The following PEAK1 variants were observed in gnomAD, a reference collection of about 807,000 sequenced individuals.
The protein encoded by PEAK1 is pseudopodium enriched atypical kinase 1, also known as inactive tyrosine-protein kinase PEAK1.
Under a neutral mutation model 124.7 loss-of-function variants are expected in PEAK1, and 54 were observed. The observed-to-expected ratio is 0.43, with a 90% confidence interval of 0.35 to 0.54. The LOEUF (loss-of-function observed/expected upper bound fraction) is 0.54. PEAK1 is among the 20% of genes least tolerant of loss of function. The pLI is 0.01. For missense variants in PEAK1, 2,046 were observed against 2,134.5 expected, an observed-to-expected ratio of 0.96 and a Z score of 0.82; for synonymous variants, 719 against 760.0, an observed-to-expected ratio of 0.95 and a Z score of 0.89.
In PEAK1 at chr15:77,178,977, T is replaced by G. The variant is rs1297053266; in HGVS notation, c.2950A>C (p.Lys984Gln). The G allele has an allele frequency of 6.2e-7, 1 of 1,614,052 alleles. No homozygotes were observed. The highest frequency in any genetic ancestry group is 1.1e-5 in the South Asian group (1 of 91,086). Residue 984 changes from lysine (K) to glutamine (Q), a missense_variant, in exon 7 of 10, where the codon AAA becomes CAA. Lys to Gln is a moderately conservative substitution (Grantham distance 53). Coordinates refer to ENST00000682557, the MANE Select transcript of PEAK1 (RefSeq NM_001385026.1). ...CTGTACATGAAGACAATGGCTGGTT[T>G]CTCACTGGACTCTCCTTTCGCCTCT... ...FTEAKGESSE[K>Q]PAIVFMYRCD...
chr15:77,190,015 T>G (rs1478492991), intron 6 of PEAK1, among the ~76,000 whole-genome samples: 1 of 152,088 alleles, frequency 6.6e-6, no homozygotes, highest in African/African-American at 2.4e-5. Flanking sequence ...CTAAGAAAAA[T>G]CCTGCTTGAA....
intron 3 of PEAK1, among the ~76,000 whole-genome samples, chr15:77,285,568 A>G (rs1031782022): frequency 1.1e-4 from 17 of 152,324 alleles, no homozygotes; most frequent in South Asian, 4.1e-4. Context: ...CTGAATCCCA[A>G]CTTAACTCTT....
At chr15:77,326,163 C>G (rs2065563850) in intron 2 of PEAK1, among the ~76,000 whole-genome samples, 3 of 151,994 alleles carry the variant, frequency 2.0e-5, no homozygotes, top group Non-Finnish European at 4.4e-5. Context: ...CAATTAACTT[C>G]CCCCTCCTGC....
intron 1 of PEAK1, among the ~76,000 whole-genome samples, chr15:77,377,909 A>G (rs2069156968): frequency 6.6e-6 from 1 of 152,114 alleles, no homozygotes; most frequent in Non-Finnish European, 1.5e-5. Flanking sequence ...TGATTCAAAA[A>G]TCACCTTAGA....
chr15:77,334,233 G>C (rs1366512134), intron 2 of PEAK1: 1 of 984,330 alleles, frequency 1.0e-6, no homozygotes, highest in Non-Finnish European at 1.2e-6. Flanking sequence ...CATAATTTTA[G>C]TTCAAATAGG....
At chr15:77,156,692 G>A (rs1422982491) in intron 8 of PEAK1, 5 of 152,088 alleles carry the variant, frequency 3.3e-5, no homozygotes, top group East Asian at 1.9e-4. Flanking sequence ...AATTTATAGA[G>A]ATGCCATCAA....
At chr15:77,165,917 C>G (rs748393506) in intron 7 of PEAK1, among the ~76,000 whole-genome samples, 7 of 152,122 alleles carry the variant, frequency 4.6e-5, no homozygotes, top group Non-Finnish European at 7.4e-5. Context: ...CCATGCAACT[C>G]TAACGTAAAT....
At chr15:77,195,840 C>T (rs946854258) in intron 6 of PEAK1, among the ~76,000 whole-genome samples, 1 of 152,180 alleles carries the variant, frequency 6.6e-6, no homozygotes, top group South Asian at 2.1e-4. Context: ...GTGTTGCCGA[C>T]GCTCCATCCT....
At chr15:77,406,465 T>C (rs2071828247) in intron 1 of PEAK1, among the ~76,000 whole-genome samples, 1 of 152,172 alleles carries the variant, frequency 6.6e-6, no homozygotes, top group Non-Finnish European at 1.5e-5. Flanking sequence ...CACAAATCAG[T>C]AGCACTGCTA....
intron 2 of PEAK1, among the ~76,000 whole-genome samples, chr15:77,306,528 T>C (rs1464154271): frequency 6.6e-6 from 1 of 152,178 alleles, no homozygotes; most frequent in Non-Finnish European, 1.5e-5. Flanking sequence ...TATAATCACT[T>C]AAAATCCCAG....
At chr15:77,333,211 C>G (rs1475401195) in intron 2 of PEAK1, 12 of 910,526 alleles carry the variant, frequency 1.3e-5, no homozygotes, top group African/African-American at 5.4e-5. Flanking sequence ...TCTTGAACTC[C>G]TAGGCTCAAG....
intron 2 of PEAK1, among the ~76,000 whole-genome samples, chr15:77,356,674 T>C (rs1408126887): frequency 6.6e-6 from 1 of 152,226 alleles, no homozygotes; most frequent in African/African-American, 2.4e-5. Context: ...ATATTTAAGT[T>C]GTCTTTACGT....
intron 6 of PEAK1, among the ~76,000 whole-genome samples, chr15:77,250,183 A>G (rs941117843): frequency 8.9e-5 from 10 of 112,338 alleles, no homozygotes; most frequent in Non-Finnish European, 1.7e-4. Flanking sequence ...ATGTATATGT[A>G]TATATATACA....
chr15:77,235,802 CT>C (rs1567149157), intron 6 of PEAK1, among the ~76,000 whole-genome samples: 1 of 152,234 alleles, frequency 6.6e-6, no homozygotes, highest in Non-Finnish European at 1.5e-5. Context: ...AAGGTCCCCC[CT>C]GCTCTATGCT....
At chr15:77,271,387 T>C (rs1394859525) in intron 5 of PEAK1, among the ~76,000 whole-genome samples, 1 of 152,118 alleles carries the variant, frequency 6.6e-6, no homozygotes, top group Non-Finnish European at 1.5e-5. Context: ...TCCTCAGGGA[T>C]CTAGAATTAG....
intron 2 of PEAK1, among the ~76,000 whole-genome samples, chr15:77,297,911 A>G (rs1169311493): frequency 1.7e-4 from 26 of 148,904 alleles, no homozygotes; most frequent in Non-Finnish European, 1.6e-4. Context: ...ACAAAAAATT[A>G]GCCGGGCTTG....
chr15:77,178,689 C>T, intron 7 of PEAK1, 101 bp downstream of exon 7: 1 of 1,186,614 alleles, frequency 8.4e-7, no homozygotes, highest in Non-Finnish European at 1.2e-6. Flanking sequence ...GTGCTACTTA[C>T]AAACAGAAAT....
At chr15:77,221,574 A>G (rs2059391993) in intron 6 of PEAK1, among the ~76,000 whole-genome samples, 2 of 152,058 alleles carry the variant, frequency 1.3e-5, no homozygotes, top group African/African-American at 2.4e-5. Context: ...GTTCCCATTT[A>G]TATAATATAG....
intron 1 of PEAK1, chr15:77,404,102 G>A: frequency 1.0e-6 from 1 of 984,888 alleles, no homozygotes; most frequent in Non-Finnish European, 1.2e-6. Flanking sequence ...ATATCCAGTA[G>A]GCCTTTAGAC....
Sources: gnomAD v4.1 joint callset for allele counts (sites outside exome capture counted in the v4.1 genomes callset) on GRCh38, gnomAD v4.1.1 for gene constraint, MANE v1.5 for transcripts, NCBI Gene and HGNC (gene_info 2026-07-23, HGNC 2026-07-21) for gene names.